The following SPOCD1 variants were observed in gnomAD, a reference collection of about 807,000 sequenced individuals.
SPOCD1 encodes the protein SPOC domain-containing protein 1.
A neutral mutation model predicts 92.2 loss-of-function variants in SPOCD1; 64 were observed. The ratio of observed to expected loss-of-function variants is 0.69; its 90% CI spans 0.57 to 0.86. The LOEUF is 0.86. Ranked by LOEUF, SPOCD1 falls within the 40% of genes least tolerant of loss-of-function variation. SPOCD1 has a pLI of 0.00. For missense variants in SPOCD1, 1,360 were observed against 1,543.1 expected (o/e 0.88, Z 1.99); for synonymous variants, 578 against 619.3 (o/e 0.93, Z 0.99).
At chr1:31,807,483 T>C (rs1383986905) in intron 2 of SPOCD1, among the ~76,000 whole-genome samples, 3 of 136,334 alleles carry the variant, frequency 2.2e-5, no homozygotes, top group Non-Finnish European at 3.1e-5. Flanking sequence ...AAAATTGTAA[T>C]TAAAAATGAT....
At chr1:31,810,141 T>G (rs182493674) in intron 2 of SPOCD1, among the ~76,000 whole-genome samples, 35 of 152,250 alleles carry the variant, frequency 2.3e-4, no homozygotes, top group African/African-American at 7.7e-4. Context: ...ATTCTCTGGT[T>G]AGTGGTTTTC....
rs1298732371 is a variant in SPOCD1, at chr1:31,793,877, G to T, written c.2404C>A (p.Leu802Met). The change falls in exon 12 of 16, where the codon CTG becomes ATG. Residue 802 changes from leucine to methionine, a missense_variant. Physicochemically the swap from Leu to Met is conservative, Grantham distance 15 (BLOSUM62 2). Transcript: ENST00000360482. ...TTGGCGGCTTCGAAGGAGCCTAGCA[G>T]CTCATTCGAGGGCTCCCAGTCTGCA... Reference protein sequence around the residue: ...ICKDWEPSNELLGSFEAAKSC... With the variant: ...ICKDWEPSNEMLGSFEAAKSC... The T allele has an allele frequency of 5.0e-6, 8 of 1,612,978 alleles. No individual in the cohort carries two copies. The South Asian group carries it at 7.7e-5, about 16-fold the overall frequency.
chr1:31,802,223 G>A (rs955163514), intron 2 of SPOCD1, among the ~76,000 whole-genome samples: 4 of 152,146 alleles, frequency 2.6e-5, no homozygotes, highest in Non-Finnish European at 5.9e-5. Context: ...TTCATACTAC[G>A]AATTCTATGT....
At chr1:31,791,636 C>G (rs1647599680) in intron 15 of SPOCD1, among the ~76,000 whole-genome samples, 1 of 152,234 alleles carries the variant, frequency 6.6e-6, no homozygotes, top group South Asian at 2.1e-4. Context: ...TGCACAGAGG[C>G]CGAGCTCGGC....
chr1:31,800,338 G>T (rs781370369), intron 4 of SPOCD1, 103 bp downstream of exon 4: 4 of 1,432,840 alleles, frequency 2.8e-6, no homozygotes, highest in East Asian at 2.5e-5. Flanking sequence ...CTGAATGACC[G>T]CGAGCAAGTG....
intron 9 of SPOCD1, among the ~76,000 whole-genome samples, chr1:31,796,971 C>T (rs1375488535): frequency 6.6e-6 from 1 of 152,194 alleles, no homozygotes; most frequent in Non-Finnish European, 1.5e-5. Flanking sequence ...CAGGTCAATT[C>T]AACCTCTGAC....
chr1:31,791,574 C>T (rs986971221), intron 15 of SPOCD1, among the ~76,000 whole-genome samples: 11 of 152,284 alleles, frequency 7.2e-5, no homozygotes, highest in Non-Finnish European at 1.3e-4. Flanking sequence ...GTGGGCAAAG[C>T]GCCCACTGCC....
chr1:31,796,507 C>A (rs1246154895), intron 10 of SPOCD1, 83 bp downstream of exon 10: 1 of 1,609,304 alleles, frequency 6.2e-7, no homozygotes, highest in Non-Finnish European at 8.5e-7. Flanking sequence ...GGTGACATGC[C>A]CAAGACCACA....
Position 31,814,760 on chromosome 1 carries a change from T to C in SPOCD1, c.574A>G (p.Arg192Gly), listed in dbSNP as rs1649440709. 6.2e-7 allele frequency: 1 copy of C among 1,613,680 alleles called. No homozygotes were observed. The highest frequency in any genetic ancestry group is 1.7e-5 in the Admixed American group (1 of 59,942). ...GGGTCTGGTGAGGATGTCAGGGGCC[T>C]TCCAGGGGGCTCCTCTTTGCTGAGT... ...PTLSKEEPPG[R>G]PLTSSPDPVP... The change falls in exon 2 of 16, where the codon AGG becomes GGG. Residue 192 changes from arginine (R) to glycine (G), a missense_variant. Arg to Gly is a moderately radical substitution (Grantham distance 125). This residue lies in a region of SPOCD1 where 606 missense variants were observed against 601.5 expected (regional missense o/e 1.01). Coordinates refer to ENST00000360482, the MANE Select transcript of SPOCD1 (RefSeq NM_144569.7). This position sits in a 1 kb window ranked among gnomAD's most constrained non-coding sequence, Gnocchi z 4.2.
At chr1:31,804,980 T>C (rs1648718067) in intron 2 of SPOCD1, among the ~76,000 whole-genome samples, 1 of 110,462 alleles carries the variant, frequency 9.1e-6, no homozygotes, top group South Asian at 3.1e-4. Context: ...TTTCTTTCTT[T>C]CTTTCTTTTT....
chr1:31,800,167 T>C, intron 4 of SPOCD1, 26 bp from the exon 5 acceptor site: 1 of 1,569,654 alleles, frequency 6.4e-7, no homozygotes, highest in Non-Finnish European at 8.6e-7. Context: ...AGACAAGCTA[T>C]TGGCCGGAAA....
In SPOCD1 at chr1:31,800,028, A is replaced by G; in HGVS notation, c.1716T>C (p.Pro572=). The G allele has an allele frequency of 2.5e-6, 4 of 1,612,200 alleles. No homozygotes were observed. Among genetic ancestry groups the G allele is most frequent in the Non-Finnish European group, 3.4e-6 (4 of 1,179,114 alleles). ...SLALGDPSSD[P]ACSQSGPMEA... ...CAGAACAACTTGCCTGGGAACATGC[A>G]GGGTCCGAGCTGGGGTCGCCAAGGG... The change falls in exon 5 of 16, where the codon CCT becomes CCC. Residue 572 remains proline, a synonymous_variant. Coordinates refer to ENST00000360482, the MANE Select transcript of SPOCD1 (RefSeq NM_144569.7).
chr1:31,807,752 A>G (rs942335565), intron 2 of SPOCD1, among the ~76,000 whole-genome samples: 4 of 152,078 alleles, frequency 2.6e-5, no homozygotes, highest in African/African-American at 9.7e-5. Flanking sequence ...CAATTGTCTG[A>G]CAAGATTGAT....
chr1:31,793,870 C>T lies in SPOCD1; in HGVS notation c.2411G>A (p.Gly804Asp), dbSNP rs761439157. ...KDWEPSNELL[G>D]SFEAAKSCGD... ...GCAGCTCTTGGCGGCTTCGAAGGAG[C>T]CTAGCAGCTCATTCGAGGGCTCCCA... The change falls in exon 12 of 16, where the codon GGC becomes GAC. Residue 804 changes from glycine (G) to aspartate (D), a missense_variant. Around this residue, in one of 3 missense-constraint regions of SPOCD1, gnomAD observed 614 missense variants for 757.8 expected, o/e 0.81. Coordinates refer to ENST00000360482, the MANE Select transcript of SPOCD1 (RefSeq NM_144569.7). The T allele has an allele frequency of 6.2e-7, 1 of 1,613,166 alleles. No homozygotes were observed. Among genetic ancestry groups the T allele is most frequent in the Admixed American group, 1.7e-5 (1 of 59,994 alleles).
At chr1:31,801,398 C>T (rs970969739) in intron 3 of SPOCD1, among the ~76,000 whole-genome samples, 1 of 152,164 alleles carries the variant, frequency 6.6e-6, no homozygotes, top group African/African-American at 2.4e-5. Flanking sequence ...TCATTTATTG[C>T]AAACCACAGG....
At chr1:31,803,893 G>A (rs999182692) in intron 2 of SPOCD1, among the ~76,000 whole-genome samples, 11 of 151,330 alleles carry the variant, frequency 7.3e-5, no homozygotes, top group Admixed American at 1.3e-4. Context: ...AGAAAGGAAG[G>A]AAGGAAGGGT....
chr1:31,801,381 A>G (rs1648454783), intron 3 of SPOCD1, among the ~76,000 whole-genome samples: 1 of 152,272 alleles, frequency 6.6e-6, no homozygotes, highest in Admixed American at 6.5e-5. Flanking sequence ...GTGTGTTTCA[A>G]TTCTTTTCAT....
Position 31,798,329 on chromosome 1 carries a change from G to A in SPOCD1, c.2029-6C>T, listed in dbSNP as rs771720168. On this transcript the variant is annotated splice_polypyrimidine_tract_variant and splice_region_variant and intron_variant, in intron 8 of 15. Coordinates refer to ENST00000360482, the MANE Select transcript of SPOCD1 (RefSeq NM_144569.7). This position sits in a 1 kb window ranked among gnomAD's most constrained non-coding sequence, Gnocchi z 4.1. ...ACCACTTTGAGAAACAAGTCCTGGT[G>A]GGGGCAGGGGGCAGGGCTGCACCAC... is the stretch of plus-strand genomic sequence containing the variant. 1.1e-5 allele frequency: 18 copies of A among 1,608,538 alleles called. No individual in the cohort carries two copies. The Admixed American group carries it at 1.5e-4, about 13-fold the overall frequency.
chr1:31,804,364 G>A (rs1648671453), intron 2 of SPOCD1, among the ~76,000 whole-genome samples: 1 of 152,092 alleles, frequency 6.6e-6, no homozygotes, highest in South Asian at 2.1e-4. Context: ...TGATTCCAGA[G>A]GCCATAACTT....
Sources: gnomAD v4.1 joint callset for allele counts (sites outside exome capture counted in the v4.1 genomes callset) on GRCh38, gnomAD v4.1.1 for gene constraint, gnomAD v4.1.1 regional missense constraint, Gnocchi (gnomAD v3.1) non-coding constraint, MANE v1.5 for transcripts, NCBI Gene and HGNC (gene_info 2026-07-23, HGNC 2026-07-21) for gene names.